Variants in MPC1 observed in about 807,000 individuals in gnomAD.
The protein encoded by MPC1 is HSPC040 protein.
A neutral mutation model predicts 13.9 loss-of-function variants in MPC1; 6 were observed. That is an observed-to-expected ratio of 0.43 (90% CI 0.24 to 0.85). The LOEUF (loss-of-function observed/expected upper bound fraction) is 0.85, where lower values mean the gene tolerates loss of function less well. Among genes scored for constraint, MPC1 ranks in the 40% least tolerant of loss-of-function variants. The probability of loss-of-function intolerance (pLI) is 0.24; values close to 1 mark genes in which losing one functional copy is unlikely to be tolerated. For synonymous variants in MPC1, 47 were observed against 50.5 expected (o/e 0.93, Z 0.29); for missense variants, 115 against 143.3 (o/e 0.80, Z 1.01).
At chr6:166,375,647 C>A (rs927828998) in intron 1 of MPC1, among the ~76,000 whole-genome samples, 1 of 152,138 alleles carries the variant, frequency 6.6e-6, no homozygotes, top group African/African-American at 2.4e-5. Context: ...CTTGAGATTT[C>A]TTCTTTGACC....
chr6:166,374,849 T>C (rs1230591257), intron 1 of MPC1, among the ~76,000 whole-genome samples: 3 of 152,228 alleles, frequency 2.0e-5, no homozygotes, highest in Admixed American at 1.3e-4. Flanking sequence ...TGTGGCTCTA[T>C]AGTAAGTTTG....
At chr6:166,371,204 A>G (rs1779367891) in intron 1 of MPC1, among the ~76,000 whole-genome samples, 1 of 152,182 alleles carries the variant, frequency 6.6e-6, no homozygotes, top group African/African-American at 2.4e-5. Flanking sequence ...TTACTAACAC[A>G]TTGCACCAGA....
At position 166,366,113 on chromosome 6, in the gene MPC1, A is replaced by T; in HGVS notation, c.173-7T>A. 6.2e-7 allele frequency: 1 copy of T among 1,613,038 alleles called. No individual in the cohort carries two copies. The highest frequency in any genetic ancestry group is 8.5e-7 in the Non-Finnish European group (1 of 1,179,334). ...AAAGAATAGCAACAGAGGGCTGCCAAAAATAGCAGAGCAAAGACAATCAAT... is the reference window on the plus strand; with the variant it reads ...AAAGAATAGCAACAGAGGGCTGCCATAAATAGCAGAGCAAAGACAATCAAT... On this transcript the variant is annotated splice_polypyrimidine_tract_variant and splice_region_variant and intron_variant, in intron 3 of 4. Coordinates refer to ENST00000360961, the MANE Select transcript of MPC1 (RefSeq NM_016098.4).
At chr6:166,370,723 G>C (rs1779347769) in intron 1 of MPC1, among the ~76,000 whole-genome samples, 1 of 152,056 alleles carries the variant, frequency 6.6e-6, no homozygotes, top group South Asian at 2.1e-4. Context: ...CTGGGCATGG[G>C]TGGTTTGTGC....
At chr6:166,382,276 C>G (rs1043519042) in intron 1 of MPC1, among the ~76,000 whole-genome samples, 3 of 149,354 alleles carry the variant, frequency 2.0e-5, no homozygotes, top group Non-Finnish European at 4.5e-5. Flanking sequence ...TCCTGAGGAG[C>G]GCCGTCGCTT....
chr6:166,371,303 A>G (rs2114956775), intron 1 of MPC1, among the ~76,000 whole-genome samples: 1 of 152,368 alleles, frequency 6.6e-6, no homozygotes, highest in East Asian at 1.9e-4. Context: ...AAAAATATTT[A>G]TTGAATGAAT....
chr6:166,365,536 C>A lies in MPC1; in HGVS notation c.306-83G>T. 3 of 1,102,776 alleles carry A rather than the reference C, an allele frequency of 2.7e-6. No individual in the cohort carries two copies. The highest frequency in any genetic ancestry group is 3.1e-5 in the South Asian group (2 of 65,376). The allele number at this position is 1,102,776 out of a possible 1,614,324, so 68.3% of individuals were successfully genotyped here. ...AGGGCTTTGGATGGCTTTTAAAAGA[C>A]ACCTTTACATAACATTTATTTCAAC... On this transcript the variant is annotated intron_variant, in intron 4 of 4. Transcript: ENST00000360961. The surrounding 1 kb of genome is among the most constrained non-coding windows in gnomAD (Gnocchi z 4.2).
intron 2 of MPC1, among the ~76,000 whole-genome samples, chr6:166,369,141 C>T (rs1309654601): frequency 6.6e-6 from 1 of 152,164 alleles, no homozygotes; most frequent in African/African-American, 2.4e-5. Flanking sequence ...TGGTGGCTCA[C>T]ACCTGTAATC....
intron 2 of MPC1, 157 bp from the exon 3 acceptor site, chr6:166,367,048 A>G: frequency 6.7e-7 from 1 of 1,499,432 alleles, no homozygotes; most frequent in African/African-American, 1.4e-5. Context: ...GATGGTTAAC[A>G]TTTAGGTATT....
At chr6:166,373,523 A>G (rs2114962249) in intron 1 of MPC1, among the ~76,000 whole-genome samples, 1 of 152,274 alleles carries the variant, frequency 6.6e-6, no homozygotes, top group South Asian at 2.1e-4. Context: ...TTTGCCATTC[A>G]CCTACCAAAG....
At chr6:166,381,617 A>C (rs1779786979) in intron 1 of MPC1, among the ~76,000 whole-genome samples, 2 of 152,336 alleles carry the variant, frequency 1.3e-5, no homozygotes, top group South Asian at 2.1e-4. Flanking sequence ...AAACTGCTTC[A>C]AAGTTATATT....
At chr6:166,375,719 A>G (rs1779545284) in intron 1 of MPC1, among the ~76,000 whole-genome samples, 1 of 152,208 alleles carries the variant, frequency 6.6e-6, no homozygotes, top group Admixed American at 6.5e-5. Flanking sequence ...AGCTTTCGTT[A>G]GTGACTTCTA....
chr6:166,371,877 T>C (rs1400506109), intron 1 of MPC1, among the ~76,000 whole-genome samples: 1 of 152,174 alleles, frequency 6.6e-6, no homozygotes, highest in Admixed American at 6.6e-5. Context: ...GAGAATGTGG[T>C]TACTCTCTCT....
chr6:166,379,753 G>A (rs1282311252), intron 1 of MPC1, among the ~76,000 whole-genome samples: 1 of 152,194 alleles, frequency 6.6e-6, no homozygotes, highest in African/African-American at 2.4e-5. Context: ...AAAGAGGAAG[G>A]GATGGAACCT....
intron 2 of MPC1, 145 bp downstream of exon 2, chr6:166,370,073 G>C (rs775285731): frequency 2.7e-6 from 2 of 739,286 alleles, no homozygotes; most frequent in Admixed American, 3.9e-5. Context: ...GGACAGGCCA[G>C]GGTGCAGTAG....
At chr6:166,382,750 C>A in intron 1 of MPC1, 56 bp downstream of exon 1, 1 of 1,514,176 alleles carries the variant, frequency 6.6e-7, no homozygotes, top group South Asian at 1.2e-5. Flanking sequence ...CTGCACGGGT[C>A]GCAGCCTCCC....
chr6:166,366,141 CTT>C, intron 3 of MPC1, 35 bp from the exon 4 acceptor site: 2 of 1,602,656 alleles, frequency 1.2e-6, no homozygotes, highest in Non-Finnish European at 1.7e-6. Context: ...CAATCAATAA[CTT>C]AGAAAACTGA....
In MPC1 at chr6:166,365,284, C is replaced by A; in HGVS notation, c.*145G>T. ...GCAGCAGAGAGTTGGTTTAGAAACT[C>A]TCAGCTATTTCTATAAAAATAGAAT... is the stretch of plus-strand genomic sequence containing the variant. On this transcript the variant is annotated 3_prime_UTR_variant, in exon 5 of 5. Coordinates refer to ENST00000360961, the MANE Select transcript of MPC1 (RefSeq NM_016098.4). This position sits in a 1 kb window ranked among gnomAD's most constrained non-coding sequence, Gnocchi z 4.2. 1.6e-6 allele frequency: 1 copy of A among 644,428 alleles called. No individual in the cohort carries two copies. The allele number at this position is 644,428 out of a possible 1,614,324, so 39.9% of individuals were successfully genotyped here.
chr6:166,372,972 T>C (rs1342560300), intron 1 of MPC1, among the ~76,000 whole-genome samples: 2 of 152,206 alleles, frequency 1.3e-5, no homozygotes. Context: ...AATTAAGTAT[T>C]CTGTTTTTTT....
Sources: gnomAD v4.1 joint callset for allele counts (sites outside exome capture counted in the v4.1 genomes callset) on GRCh38, gnomAD v4.1.1 for gene constraint, Gnocchi (gnomAD v3.1) non-coding constraint, MANE v1.5 for transcripts, NCBI Gene and HGNC (gene_info 2026-07-23, HGNC 2026-07-21) for gene names.